The following TNXB variants were observed in gnomAD, a reference collection of about 807,000 sequenced individuals.
TNXB encodes tenascin-X.
Under a neutral mutation model 340.5 loss-of-function variants are expected in TNXB, and 183 were observed. That is an observed-to-expected ratio of 0.54 (90% CI 0.48 to 0.61). The LOEUF (loss-of-function observed/expected upper bound fraction) is 0.61, where lower values mean the gene tolerates loss of function less well. TNXB is among the 20% of genes least tolerant of loss of function. The probability of loss-of-function intolerance (pLI) is 0.00; values close to 1 mark genes in which losing one functional copy is unlikely to be tolerated. For synonymous variants in TNXB, 2,121 were observed against 2,314.5 expected (o/e 0.92, Z 2.40); for missense variants, 4,613 against 5,446.4 (o/e 0.85, Z 4.82).
At position 32,079,193 on chromosome 6, in the gene TNXB, C is replaced by T; in HGVS notation, c.4215G>A (p.Gln1405=). 6.2e-7 allele frequency: 1 copy of T among 1,613,934 alleles called. No individual in the cohort carries two copies. The highest frequency in any genetic ancestry group is 2.2e-5 in the East Asian group (1 of 44,884). The change falls in exon 11 of 44, where the codon CAG becomes CAA. Residue 1405 remains glutamine, a synonymous_variant. Coordinates refer to ENST00000644971, the MANE Select transcript of TNXB (RefSeq NM_001365276.2). This position sits in a 1 kb window ranked among gnomAD's most constrained non-coding sequence, Gnocchi z 7.1. ...GGGGCCGCCCATCCCTGTCCTTGTA[C>T]TGCACGGTGAAAGAGTCGAAGCTGC... ...PQGSFDSFTV[Q]YKDRDGRPRA...
At position 32,097,182 on chromosome 6, in the gene TNXB, C is replaced by T. The variant is rs1780459140; in HGVS notation, c.671G>A (p.Gly224Asp). 1 of 1,595,574 alleles carries T rather than the reference C, an allele frequency of 6.3e-7. No homozygotes were observed. The highest frequency in any genetic ancestry group is 8.5e-7 in the Non-Finnish European group (1 of 1,171,810). Residue 224 changes from glycine to aspartate, a missense_variant, in exon 3 of 44, where the codon GGC becomes GAC. By Grantham distance (94) the Gly-to-Asp change is moderately conservative. Coordinates refer to ENST00000644971, the MANE Select transcript of TNXB (RefSeq NM_001365276.2). The surrounding 1 kb of genome is among the most constrained non-coding windows in gnomAD (Gnocchi z 5.9). ...CACGCCCTGCACGCAGCGCCCACGG[C>T]CTTGGCAGTCCCCGGGACAGGATGG... ...GWPSCPGDCQ[G>D]RGRCVQGVCV...
rs1778943833 is a variant in TNXB, at chr6:32,074,116, A to G, written c.4376-164T>C. Among the ~76,000 whole-genome samples the G allele has an allele frequency of 1.3e-5, 2 of 152,202 alleles. No individual in the cohort carries two copies. Among genetic ancestry groups the G allele is most frequent in the Non-Finnish European group, 2.9e-5 (2 of 68,022 alleles). ...ACTGCAGCCTCTGCCTCCCGGGTTC[A>G]AGCGATCCTCCTGCCTTAGCCTCCC... On this transcript the variant is annotated intron_variant, in intron 11 of 43. Coordinates refer to ENST00000644971, the MANE Select transcript of TNXB (RefSeq NM_001365276.2). This position sits in a 1 kb window ranked among gnomAD's most constrained non-coding sequence, Gnocchi z 5.5.
chr6:32,055,948 G>T lies in TNXB; in HGVS notation c.8370C>A (p.Thr2790=). ...MRVRGEESEV[T]VGGLEPGRKY... Reference sequence around the variant, plus strand: ...TGCGCCCGGGCTCCAGGCCCCCCACGGTGACCTCGCTCTCCTCGCCCCTGA... The same window carrying T: ...TGCGCCCGGGCTCCAGGCCCCCCACTGTGACCTCGCTCTCCTCGCCCCTGA... The change falls in exon 24 of 44, where the codon ACC becomes ACA. Residue 2790 remains threonine, a synonymous_variant. Transcript: ENST00000644971. 6.2e-7 allele frequency: 1 copy of T among 1,613,512 alleles called. No individual in the cohort carries two copies. Among genetic ancestry groups the T allele is most frequent in the East Asian group, 2.2e-5 (1 of 44,872 alleles).
At position 32,097,389 on chromosome 6, in the gene TNXB, G is replaced by A; in HGVS notation, c.464C>T (p.Thr155Ile). The change falls in exon 3 of 44, where the codon ACC (threonine) becomes ATC (isoleucine). Residue 155 changes from threonine (T) to isoleucine (I), a missense_variant. Coordinates refer to ENST00000644971, the MANE Select transcript of TNXB (RefSeq NM_001365276.2). The surrounding 1 kb of genome is among the most constrained non-coding windows in gnomAD (Gnocchi z 5.9). ...ACCCCAGCCTGGCTCACAGGAACAG[G>A]TGCAGCGGCTCAGATCAAACACACC... Reference protein sequence around the residue: ...LHGVFDLSRCTCSCEPGWGGP... With the variant: ...LHGVFDLSRCICSCEPGWGGP... 6.2e-7 allele frequency: 1 copy of A among 1,610,928 alleles called. No individual in the cohort carries two copies. The highest frequency in any genetic ancestry group is 8.5e-7 in the Non-Finnish European group (1 of 1,179,658).
intron 18 of TNXB, among the ~76,000 whole-genome samples, chr6:32,065,977 T>A (rs1778314790): frequency 6.6e-6 from 1 of 152,224 alleles, no homozygotes; most frequent in African/African-American, 2.4e-5. Context: ...AAAATAATTT[T>A]TTTAAAAAGA....
At chr6:32,094,095 CAAAAAAAAAAAAAAAA>C (rs9281649) in intron 4 of TNXB, among the ~76,000 whole-genome samples, 4 of 28,958 alleles carry the variant, frequency 1.4e-4, no homozygotes, top group Non-Finnish European at 2.3e-4. Context: ...CTCTCTGTCT[CAAAAAAAAAAAAAAAA>C]AAAAAAAAAA....
Position 32,090,278 on chromosome 6 carries a change from T to C in TNXB, c.2359-899A>G, listed in dbSNP as rs1289511009. ...AGATACTTACAACAATCTCTATGCTTAGCAAATGCTTGTGAGAAAACAACA... is the reference window on the plus strand; with the variant it reads ...AGATACTTACAACAATCTCTATGCTCAGCAAATGCTTGTGAGAAAACAACA... On this transcript the variant is annotated intron_variant, in intron 4 of 43. Transcript: ENST00000644971. This position sits in a 1 kb window ranked among gnomAD's most constrained non-coding sequence, Gnocchi z 4.3. Among the ~76,000 whole-genome samples, 1 of 152,208 alleles carries C rather than the reference T, an allele frequency of 6.6e-6. No homozygotes were observed. Among genetic ancestry groups the C allele is most frequent in the East Asian group, 1.9e-4 (1 of 5,198 alleles).
Position 32,098,019 on chromosome 6 carries a change from G to A in TNXB, c.180C>T (p.Tyr60=), listed in dbSNP as rs943965548. The change falls in exon 2 of 44, where the codon TAC becomes TAT. Residue 60 remains tyrosine, a synonymous_variant. Transcript: ENST00000644971. The part of the protein sequence containing the change: ...AGVGSPSSQL[Y]EHTVEGGEKQ... ...TCTCCCCTCCTTCCACTGTGTGCTC[G>A]TAAAGCTGAGAAGAGGGGCTTCCCA... The A allele has an allele frequency of 5.6e-6, 9 of 1,607,182 alleles. No individual in the cohort carries two copies. Among genetic ancestry groups the A allele is most frequent in the Admixed American group, 1.7e-5 (1 of 59,996 alleles).
In TNXB at chr6:32,088,831, C is replaced by T. The variant is rs1481976797; in HGVS notation, c.2733G>A (p.Glu911=). 4 of 1,581,578 alleles carry T rather than the reference C, an allele frequency of 2.5e-6. No individual in the cohort carries two copies. In the African/African-American group the frequency reaches 4.0e-5, roughly 16 times the overall value. The change falls in exon 6 of 44, where the codon GAG becomes GAA. Residue 911 remains glutamate (E), a synonymous_variant. Transcript: ENST00000644971. The part of the protein sequence containing the change: ...GVEYVVTVTA[E]RGRAVSYPAS... ...CTGGGTAGCTGACTGCCCGGCCCCG[C>T]TCCGCTGTGACAGTCACCACATATT... is the stretch of plus-strand genomic sequence containing the variant.
chr6:32,084,811 T>C lies in TNXB; in HGVS notation c.3149-102A>G, dbSNP rs1779680112. 2 of 1,124,798 alleles carry C rather than the reference T, an allele frequency of 1.8e-6. No individual in the cohort carries two copies. Among genetic ancestry groups the C allele is most frequent in the Non-Finnish European group, 2.4e-6 (2 of 830,480 alleles). The allele number at this position is 1,124,798 out of a possible 1,614,324, so 69.7% of individuals were successfully genotyped here. A position where few individuals can be genotyped will look rare whatever the true frequency, so the allele number is the denominator to read the frequency against. On this transcript the variant is annotated intron_variant, in intron 7 of 43. Coordinates refer to ENST00000644971, the MANE Select transcript of TNXB (RefSeq NM_001365276.2). The surrounding 1 kb of genome is among the most constrained non-coding windows in gnomAD (Gnocchi z 5.5). ...CCCACCTCACTCCATCCTGGATAGA[T>C]CCCTCCCCGGAAGACTCTATCTGCC...
Position 32,042,550 on chromosome 6 carries a change from C to A in TNXB, c.12115G>T (p.Gly4039Cys), listed in dbSNP as rs762169843. The part of the protein sequence containing the change: ...DCGEEMQNGA[G>C]ASRTSTIFLN... ...AAGATGGTGCTGGTCCTGGAGGCAC[C>A]GGCTCCGTTCTGCATCTCCTCCCCG... The change falls in exon 40 of 44, where the codon GGT becomes TGT. Residue 4039 changes from glycine to cysteine, a missense_variant. This residue lies in a region of TNXB where 121 missense variants were observed against 177.4 expected (regional missense o/e 0.68). Coordinates refer to ENST00000644971, the MANE Select transcript of TNXB (RefSeq NM_001365276.2). 4.1e-5 allele frequency: 66 copies of A among 1,609,806 alleles called. No homozygotes were observed. The highest frequency in any genetic ancestry group is 4.8e-5 in the Non-Finnish European group (57 of 1,179,018).
rs780413128 is a variant in TNXB at position 32,083,696 on chromosome 6, A to C, written c.3445+717T>G. Reference sequence around the variant, plus strand: ...GTGTTGCTCTGTGCAGAGTGTGGATAGCACCCAGGCTGGAGTACAGTGGCA... The same window carrying C: ...GTGTTGCTCTGTGCAGAGTGTGGATCGCACCCAGGCTGGAGTACAGTGGCA... On this transcript the variant is annotated intron_variant, in intron 8 of 43. Coordinates refer to ENST00000644971, the MANE Select transcript of TNXB (RefSeq NM_001365276.2). This position sits in a 1 kb window ranked among gnomAD's most constrained non-coding sequence, Gnocchi z 4.6. Among the ~76,000 whole-genome samples the C allele has an allele frequency of 6.6e-6, 1 of 152,052 alleles. No homozygotes were observed. Among genetic ancestry groups the C allele is most frequent in the Non-Finnish European group, 1.5e-5 (1 of 68,010 alleles).
Position 32,097,119 on chromosome 6 carries a change from C to T in TNXB, c.734G>A (p.Ser245Asn). ...GCAACCTCGAGGGCAGGAGCGCTGG[C>T]TGCAGTCGGGGCCTGAGAAGCCTGC... ...CRAGFSGPDC[S>N]QRSCPRGCSQ... is the part of the protein sequence containing the mutation. The change falls in exon 3 of 44, where the codon AGC (serine) becomes AAC (asparagine). Residue 245 changes from serine to asparagine, a missense_variant. Coordinates refer to ENST00000644971, the MANE Select transcript of TNXB (RefSeq NM_001365276.2). The surrounding 1 kb of genome is among the most constrained non-coding windows in gnomAD (Gnocchi z 5.9). 6.2e-7 allele frequency: 1 copy of T among 1,610,814 alleles called. No individual in the cohort carries two copies. The highest frequency in any genetic ancestry group is 8.5e-7 in the Non-Finnish European group (1 of 1,178,704).
Position 32,080,115 on chromosome 6 carries a change from T to C in TNXB, c.4043-750A>G. ...GGAGGTGGGGAGCAAAAAAGATTACTGGGAAGTGAGAGAGTCAGGGAGAAA... is the reference window on the plus strand; with the variant it reads ...GGAGGTGGGGAGCAAAAAAGATTACCGGGAAGTGAGAGAGTCAGGGAGAAA... On this transcript the variant is annotated intron_variant, in intron 10 of 43. Coordinates refer to ENST00000644971, the MANE Select transcript of TNXB (RefSeq NM_001365276.2). This position sits in a 1 kb window ranked among gnomAD's most constrained non-coding sequence, Gnocchi z 4.3. Among the ~76,000 whole-genome samples, 1 of 152,104 alleles carries C rather than the reference T, an allele frequency of 6.6e-6. No homozygotes were observed. Among genetic ancestry groups the C allele is most frequent in the South Asian group, 2.1e-4 (1 of 4,826 alleles).
Position 32,093,359 on chromosome 6 carries a change from A to G in TNXB, c.2358+1717T>C, listed in dbSNP as rs1471963446. On this transcript the variant is annotated intron_variant, in intron 4 of 43. Coordinates refer to ENST00000644971, the MANE Select transcript of TNXB (RefSeq NM_001365276.2). ...ACAAAAAAAGATGTTTAAACAGAAG[A>G]AAAAATTCAAGCTATCTTGGTTGCG... The G allele has an allele frequency of 1.4e-6, 1 of 700,844 alleles. No homozygotes were observed. The highest frequency in any genetic ancestry group is 2.6e-6 in the Non-Finnish European group (1 of 383,326). The allele number at this position is 700,844 out of a possible 1,614,324, so 43.4% of individuals were successfully genotyped here. A position where few individuals can be genotyped will look rare whatever the true frequency, so the allele number is the denominator to read the frequency against.
intron 18 of TNXB, among the ~76,000 whole-genome samples, chr6:32,065,830 A>G (rs2151911423): frequency 6.6e-6 from 1 of 152,112 alleles, no homozygotes; most frequent in Non-Finnish European, 1.5e-5. Flanking sequence ...TATTATTTTT[A>G]GTAGAGACGG....
Position 32,097,058 on chromosome 6 carries a change from C to G in TNXB, c.795G>C (p.Val265=), listed in dbSNP as rs567890620. 23 of 1,613,676 alleles carry G rather than the reference C, an allele frequency of 1.4e-5. No individual in the cohort carries two copies. Among genetic ancestry groups the G allele is most frequent in the Non-Finnish European group, 1.8e-5 (21 of 1,179,784 alleles). Residue 265 remains valine, a synonymous_variant, in exon 3 of 44, where the codon GTG becomes GTC. Coordinates refer to ENST00000644971, the MANE Select transcript of TNXB (RefSeq NM_001365276.2). The surrounding 1 kb of genome is among the most constrained non-coding windows in gnomAD (Gnocchi z 5.9). ...CGTCACCAGTGTAGCCTGGGTCACA[C>G]ACGCAGCGCCCACCCTCACAGCGTC... ...QRGRCEGGRC[V]CDPGYTGDDC...
chr6:32,069,071 C>T lies in TNXB; in HGVS notation c.5653G>A (p.Gly1885Arg), dbSNP rs774865768. The T allele has an allele frequency of 4.8e-5, 77 of 1,612,582 alleles. No individual in the cohort carries two copies. The highest frequency in any genetic ancestry group is 6.1e-5 in the Non-Finnish European group (72 of 1,179,842). ...GTGGCCTCCTCCACTGTCAACTCCC[C>T]GAGGTGGGGCTCAGGCGCTGGAGGG... ...PTPPAPEPHL[G>R]ELTVEEATSH... The change falls in exon 16 of 44, where the codon GGG becomes AGG. Residue 1885 changes from glycine (G) to arginine (R), a missense_variant. By Grantham distance (125) the Gly-to-Arg change is moderately radical (BLOSUM62 -2). Transcript: ENST00000644971. This position sits in a 1 kb window ranked among gnomAD's most constrained non-coding sequence, Gnocchi z 6.2.
At position 32,050,109 on chromosome 6, in the gene TNXB, C is replaced by T. The variant is rs367800507; in HGVS notation, c.9328G>A (p.Glu3110Lys). The T allele has an allele frequency of 9.3e-6, 15 of 1,613,644 alleles. No individual in the cohort carries two copies. In the East Asian group the frequency reaches 1.6e-4, roughly 17 times the overall value. Residue 3110 changes from glutamate to lysine, a missense_variant, in exon 27 of 44, where the codon GAG becomes AAG. Transcript: ENST00000644971. The part of the protein sequence containing the change: ...QPKAVRVPGH[E>K]DGVTISGLEP... ...AGGCCTGAGATGGTGACCCCGTCCT[C>T]GTGCCCCGGCACCCGCACCGCCTTG...
Sources: gnomAD v4.1 joint callset for allele counts (sites outside exome capture counted in the v4.1 genomes callset) on GRCh38, gnomAD v4.1.1 for gene constraint, gnomAD v4.1.1 regional missense constraint, Gnocchi (gnomAD v3.1) non-coding constraint, MANE v1.5 for transcripts, NCBI Gene and HGNC (gene_info 2026-07-23, HGNC 2026-07-21) for gene names.